The following MALRD1 variants were observed in gnomAD, a reference collection of about 807,000 sequenced individuals.
MALRD1 encodes MAM and LDL receptor class A domain containing 1, also known as MAM and LDL-receptor class A domain-containing protein 1.
MALRD1 carries 247 observed loss-of-function variants against 242.1 expected under a neutral mutation model. The observed-to-expected ratio is 1.02, with a 90% confidence interval of 0.92 to 1.13. The LOEUF (loss-of-function observed/expected upper bound fraction) is 1.13. Among genes scored for constraint, MALRD1 ranks in the 50% most tolerant of loss-of-function variants. The pLI, the probability that MALRD1 is intolerant of heterozygous loss-of-function variation, is 0.00. For synonymous variants in MALRD1, 995 were observed against 866.6 expected, an observed-to-expected ratio of 1.15 and a Z score of -2.60; for missense variants, 2,989 against 2,533.1, an observed-to-expected ratio of 1.18 and a Z score of -3.86.
intron 33 of MALRD1, among the ~76,000 whole-genome samples, chr10:19,592,747 ACACACACACACACACGCACG>A (rs1837870836): frequency 8.6e-6 from 1 of 115,902 alleles, no homozygotes; most frequent in African/African-American, 3.2e-5. Context: ...ACACACACAC[ACACACACACACACACGCACG>A]CACACACACA....
intron 18 of MALRD1, among the ~76,000 whole-genome samples, chr10:19,245,652 T>G (rs1409717640): frequency 6.6e-6 from 1 of 152,158 alleles, no homozygotes; most frequent in Non-Finnish European, 1.5e-5. Flanking sequence ...TAGATTAGAT[T>G]AGTAGCTCTT....
chr10:19,126,042 C>G (rs1263738230), intron 7 of MALRD1, among the ~76,000 whole-genome samples: 1 of 151,788 alleles, frequency 6.6e-6, no homozygotes, highest in Non-Finnish European at 1.5e-5. Context: ...TCTGGTCATA[C>G]AATTTTAGAA....
intron 18 of MALRD1, among the ~76,000 whole-genome samples, chr10:19,211,646 A>G (rs963736108): frequency 3.7e-5 from 5 of 134,724 alleles, no homozygotes; most frequent in Non-Finnish European, 7.7e-5. Context: ...GAGATGCGCT[A>G]CTGTACTCCA....
At chr10:19,462,114 C>G (rs1420374724) in intron 29 of MALRD1, among the ~76,000 whole-genome samples, 1 of 152,170 alleles carries the variant, frequency 6.6e-6, no homozygotes, top group Non-Finnish European at 1.5e-5. Context: ...AATAGGGGAG[C>G]TGGGTATACA....
At chr10:19,170,407 T>C (rs1159732914) in intron 13 of MALRD1, among the ~76,000 whole-genome samples, 1 of 152,210 alleles carries the variant, frequency 6.6e-6, no homozygotes, top group Non-Finnish European at 1.5e-5. Context: ...TAAAATGTAA[T>C]TGTATCATAT....
intron 5 of MALRD1, among the ~76,000 whole-genome samples, chr10:19,123,218 T>C (rs1372521477): frequency 6.6e-6 from 1 of 152,208 alleles, no homozygotes; most frequent in Non-Finnish European, 1.5e-5. Context: ...GGGGCTTGCC[T>C]GTCATTATGG....
chr10:19,637,262 T>A (rs1417531355), intron 36 of MALRD1, among the ~76,000 whole-genome samples: 1 of 152,202 alleles, frequency 6.6e-6, no homozygotes, highest in African/African-American at 2.4e-5. Context: ...GGAACAATAA[T>A]GTCAGTTTCA....
At position 19,136,794 on chromosome 10, in the gene MALRD1, A is replaced by C. The variant is rs1157306124; in HGVS notation, c.1411+13A>C. On this transcript the variant is annotated intron_variant, in intron 10 of 39. Coordinates refer to ENST00000454679, the MANE Select transcript of MALRD1 (RefSeq NM_001142308.3). ...CCAGCAACTTGCTGTAAGTGAGTGA[A>C]TGGCTTACTAGTTTACATGCTCTAA... is the stretch of plus-strand genomic sequence containing the variant. 1.6e-6 allele frequency: 2 copies of C among 1,225,516 alleles called. No homozygotes were observed. Among genetic ancestry groups the C allele is most frequent in the Non-Finnish European group, 2.0e-6 (2 of 982,426 alleles). The allele number at this position is 1,225,516 out of a possible 1,614,324, so 75.9% of individuals were successfully genotyped here.
intron 19 of MALRD1, among the ~76,000 whole-genome samples, chr10:19,266,148 G>GT (rs35080418): frequency 0.45 from 66,012 of 148,160 alleles, 15,066 homozygotes; most frequent in Admixed American, 0.59. Context: ...ATTGGATATT[G>GT]TTTTTTTTTT....
At chr10:19,405,501 A>G (rs1384237147) in intron 28 of MALRD1, among the ~76,000 whole-genome samples, 2 of 152,102 alleles carry the variant, frequency 1.3e-5, no homozygotes, top group Non-Finnish European at 2.9e-5. Flanking sequence ...TAATCAACAT[A>G]CTGTTTTCAA....
At chr10:19,526,365 A>ACAT (rs10695324) in intron 31 of MALRD1, among the ~76,000 whole-genome samples, 2 of 148,966 alleles carry the variant, frequency 1.3e-5, no homozygotes, top group African/African-American at 5.0e-5. Context: ...CCAAAAAAAA[A>ACAT]ATACATATAT....
chr10:19,240,625 T>C (rs1294185427), intron 18 of MALRD1, among the ~76,000 whole-genome samples: 1 of 152,052 alleles, frequency 6.6e-6, no homozygotes, highest in Non-Finnish European at 1.5e-5. Context: ...TGGTAGAAGT[T>C]GACATCCTTG....
rs1480495036 is a variant in MALRD1, at chr10:19,209,667, G to T, written c.2978G>T (p.Arg993Met). 10 of 1,548,562 alleles carry T rather than the reference G, an allele frequency of 6.5e-6. No individual in the cohort carries two copies. Among genetic ancestry groups the T allele is most frequent in the Non-Finnish European group, 7.0e-6 (8 of 1,145,814 alleles). The change falls in exon 18 of 40, where the codon AGG (arginine) becomes ATG (methionine). Residue 993 changes from arginine (R) to methionine (M), a missense_variant. Arg to Met is a moderately conservative substitution (Grantham distance 91). Coordinates refer to ENST00000454679, the MANE Select transcript of MALRD1 (RefSeq NM_001142308.3). The stretch of plus-strand genomic sequence containing the variant: ...AGGAAACACCTCAACATTTCCAGCA[G>T]GCAGCCCTTTCAGGTATGGATAATA... ...WIRKHLNISS[R>M]QPFQILVEAS...
chr10:19,722,563 C>T (rs1046541417), intron 38 of MALRD1: 2 of 103,876 alleles, frequency 1.9e-5, no homozygotes, highest in African/African-American at 7.6e-5. Context: ...GTATTACGGC[C>T]TAGGTGACAG....
At chr10:19,152,052 C>A (rs961872523) in intron 11 of MALRD1, among the ~76,000 whole-genome samples, 1 of 152,140 alleles carries the variant, frequency 6.6e-6, no homozygotes, top group Non-Finnish European at 1.5e-5. Flanking sequence ...GATGTGAACA[C>A]TTTAACCCAG....
chr10:19,671,679 C>G (rs1841927797), intron 36 of MALRD1, among the ~76,000 whole-genome samples: 1 of 152,140 alleles, frequency 6.6e-6, no homozygotes, highest in African/African-American at 2.4e-5. Context: ...CCAATACATG[C>G]TACGTATCCA....
intron 36 of MALRD1, among the ~76,000 whole-genome samples, chr10:19,692,016 C>G (rs979160275): frequency 2.0e-5 from 3 of 151,960 alleles, no homozygotes; most frequent in Non-Finnish European, 4.4e-5. Flanking sequence ...TTTTTAAAAA[C>G]AAAGAACGAT....
intron 29 of MALRD1, among the ~76,000 whole-genome samples, chr10:19,461,915 C>T (rs1001260214): frequency 3.3e-5 from 5 of 152,072 alleles, no homozygotes; most frequent in African/African-American, 7.2e-5. Flanking sequence ...AACATGACTC[C>T]GGGGAATACA....
Position 19,327,620 on chromosome 10 carries a change from G to A in MALRD1, c.3634G>A (p.Gly1212Ser), listed in dbSNP as rs890806392. 6.5e-7 allele frequency: 1 copy of A among 1,549,948 alleles called. No homozygotes were observed. The highest frequency in any genetic ancestry group is 1.2e-5 in the South Asian group (1 of 84,038). ...ATTGTGGGCTCAAACTGGACAGCAA[G>A]GTGCACAGTGGAAGAGAGCAGAAGT... is the stretch of plus-strand genomic sequence containing the variant. ...SKLWAQTGQQGAQWKRAEVFL... is the reference protein window; with the variant it reads ...SKLWAQTGQQSAQWKRAEVFL... The change falls in exon 23 of 40, where the codon GGT becomes AGT. Residue 1212 changes from glycine to serine, a missense_variant. By Grantham distance (56) the Gly-to-Ser change is moderately conservative. Coordinates refer to ENST00000454679, the MANE Select transcript of MALRD1 (RefSeq NM_001142308.3).
Sources: gnomAD v4.1 joint callset for allele counts (sites outside exome capture counted in the v4.1 genomes callset) on GRCh38, gnomAD v4.1.1 for gene constraint, MANE v1.5 for transcripts, NCBI Gene and HGNC (gene_info 2026-07-23, HGNC 2026-07-21) for gene names.